The following SYN3 variants were observed in gnomAD, a reference collection of about 807,000 sequenced individuals.
SYN3 encodes synapsin-3.
SYN3 carries 35 observed loss-of-function variants against 65.8 expected under a neutral mutation model. That is an observed-to-expected ratio of 0.53 (90% confidence interval 0.41 to 0.70). The LOEUF (loss-of-function observed/expected upper bound fraction) is 0.70, where lower values mean the gene tolerates loss of function less well. Among genes scored for constraint, SYN3 ranks in the 30% least tolerant of loss-of-function variants. SYN3 has a pLI of 0.00. For missense variants in SYN3, 680 were observed against 749.0 expected (o/e 0.91, Z 1.08); for synonymous variants, 270 against 292.9 (o/e 0.92, Z 0.80).
chr22:32,981,462 G>A (rs2052370835), intron 2 of SYN3, among the ~76,000 whole-genome samples: 1 of 151,816 alleles, frequency 6.6e-6, no homozygotes, highest in African/African-American at 2.4e-5. Context: ...GCACATGCAT[G>A]TAATCACAGC....
At chr22:32,918,545 CTG>C (rs2050249449) in intron 4 of SYN3, among the ~76,000 whole-genome samples, 1 of 152,128 alleles carries the variant, frequency 6.6e-6, no homozygotes, top group African/African-American at 2.4e-5. Context: ...TTATATGTCT[CTG>C]TATTAGCGAT....
At chr22:32,811,084 C>G (rs1018885374) in intron 6 of SYN3, among the ~76,000 whole-genome samples, 7 of 152,064 alleles carry the variant, frequency 4.6e-5, no homozygotes, top group African/African-American at 7.3e-5. Context: ...AGGCTGGGAA[C>G]CACTGAGACA....
chr22:32,984,716 G>A (rs533227633), intron 2 of SYN3, among the ~76,000 whole-genome samples: 4 of 152,094 alleles, frequency 2.6e-5, no homozygotes, highest in Non-Finnish European at 5.9e-5. Context: ...GGCATCTTTC[G>A]TGGATTTAAA....
At chr22:32,746,408 T>C (rs1255236365) in intron 6 of SYN3, among the ~76,000 whole-genome samples, 2 of 151,916 alleles carry the variant, frequency 1.3e-5, no homozygotes, top group African/African-American at 4.9e-5. Context: ...ACTTCAGCTC[T>C]CTGGGTCTCT....
intron 6 of SYN3, among the ~76,000 whole-genome samples, chr22:32,667,098 A>G (rs2060299454): frequency 6.6e-6 from 1 of 152,152 alleles, no homozygotes; most frequent in Non-Finnish European, 1.5e-5. Flanking sequence ...TGTTTTATTC[A>G]CAGACTTTAG....
At chr22:32,625,786 C>CGG (rs1187851230) in intron 6 of SYN3, among the ~76,000 whole-genome samples, 17 of 152,174 alleles carry the variant, frequency 1.1e-4, no homozygotes, top group African/African-American at 4.1e-4. Context: ...CTGAGTTGTG[C>CGG]AGATGCTTAC....
chr22:32,888,744 AC>A (rs1396280121), intron 4 of SYN3, among the ~76,000 whole-genome samples: 12 of 152,148 alleles, frequency 7.9e-5, no homozygotes, highest in Admixed American at 7.9e-4. Context: ...AAAATTCAAA[AC>A]TTTTGGAGCA....
At chr22:32,744,586 C>T (rs143328467) in intron 6 of SYN3, among the ~76,000 whole-genome samples, 4 of 152,312 alleles carry the variant, frequency 2.6e-5, no homozygotes, top group East Asian at 1.9e-4. Flanking sequence ...AAGTAAGAGA[C>T]GGTCAAATGC....
chr22:32,810,591 G>A (rs2046890607), intron 6 of SYN3, among the ~76,000 whole-genome samples: 1 of 152,114 alleles, frequency 6.6e-6, no homozygotes, highest in Non-Finnish European at 1.5e-5. Flanking sequence ...GAGCCATTCC[G>A]GAACTAGAGA....
intron 4 of SYN3, among the ~76,000 whole-genome samples, chr22:32,886,426 C>T (rs568039262): frequency 6.6e-6 from 1 of 152,276 alleles, no homozygotes; most frequent in East Asian, 1.9e-4. Context: ...AGGATCCCGG[C>T]TCCCCCAGCT....
At chr22:32,540,772 A>G (rs2058241164) in intron 8 of SYN3, among the ~76,000 whole-genome samples, 1 of 152,166 alleles carries the variant, frequency 6.6e-6, no homozygotes, top group South Asian at 2.1e-4. Flanking sequence ...CTTCTTATAA[A>G]GTTTTCTGCT....
At chr22:33,005,494 T>C (rs762870157) in intron 2 of SYN3, among the ~76,000 whole-genome samples, 1 of 152,226 alleles carries the variant, frequency 6.6e-6, no homozygotes, top group Non-Finnish European at 1.5e-5. Flanking sequence ...TGTTCCCTAC[T>C]ATACCCATGC....
At chr22:32,634,167 T>C (rs2059783458) in intron 6 of SYN3, among the ~76,000 whole-genome samples, 1 of 152,174 alleles carries the variant, frequency 6.6e-6, no homozygotes. Context: ...TTTTTCCAGG[T>C]AGGAACCAAT....
intron 1 of SYN3, among the ~76,000 whole-genome samples, chr22:33,020,032 T>C (rs2053534751): frequency 6.6e-6 from 1 of 152,234 alleles, no homozygotes. Flanking sequence ...ATCTTTACAA[T>C]ATCATCAGGA....
intron 6 of SYN3, among the ~76,000 whole-genome samples, chr22:32,691,673 G>C (rs2060663268): frequency 6.6e-6 from 1 of 152,004 alleles, no homozygotes; most frequent in Admixed American, 6.6e-5. Context: ...GGGGAGAAAC[G>C]CTTGGCTAAG....
At chr22:32,681,975 G>A (rs1182799311) in intron 6 of SYN3, among the ~76,000 whole-genome samples, 2 of 83,676 alleles carry the variant, frequency 2.4e-5, no homozygotes, top group Non-Finnish European at 3.4e-5. Context: ...TGTTTGAGCC[G>A]AGACTTAGCA....
intron 6 of SYN3, among the ~76,000 whole-genome samples, chr22:32,754,066 C>G (rs1478641681): frequency 1.3e-5 from 2 of 152,218 alleles, no homozygotes; most frequent in African/African-American, 4.8e-5. Flanking sequence ...GTGGTCCACA[C>G]CTCTGGGCCT....
intron 6 of SYN3, among the ~76,000 whole-genome samples, chr22:32,726,284 A>G (rs981730636): frequency 6.6e-6 from 1 of 152,178 alleles, no homozygotes; most frequent in African/African-American, 2.4e-5. Context: ...CTGGGATTAT[A>G]GGCATACGCC....
intron 6 of SYN3, among the ~76,000 whole-genome samples, chr22:32,799,960 G>T (rs181401157): frequency 3.3e-4 from 50 of 152,328 alleles, no homozygotes; most frequent in Admixed American, 2.7e-3. Flanking sequence ...ATCTCTACGA[G>T]TTAGGCCACA....
Sources: allele counts gnomAD v4.1 joint callset (sites outside exome capture counted in the v4.1 genomes callset), GRCh38; gene constraint gnomAD v4.1.1; transcripts MANE v1.5; gene names NCBI Gene and HGNC (gene_info 2026-07-23, HGNC 2026-07-21).